Variants in ANKFN1 observed in about 807,000 individuals in gnomAD.
ANKFN1 encodes the protein ankyrin repeat and fibronectin type III domain containing 1, also known as ankyrin repeat and fibronectin type-III domain-containing protein 1.
ANKFN1 carries 74 observed loss-of-function variants against 108.7 expected under a neutral mutation model. That is an observed-to-expected ratio of 0.68 (90% CI 0.56 to 0.83). The LOEUF is 0.83. Ranked by LOEUF, ANKFN1 falls within the 40% of genes least tolerant of loss-of-function variation. The pLI is 0.00. For synonymous variants in ANKFN1, 547 were observed against 516.2 expected (o/e 1.06, Z -0.81); for missense variants, 1,505 against 1,382.3 (o/e 1.09, Z -1.41).
intron 3 of ANKFN1, among the ~76,000 whole-genome samples, chr17:56,310,443 C>T (rs936449874): frequency 3.3e-5 from 5 of 151,944 alleles, no homozygotes; most frequent in African/African-American, 1.2e-4. Context: ...TGGTGAAACC[C>T]CATCTCCACT....
chr17:56,183,608 C>T (rs1870688408), intron 1 of ANKFN1, among the ~76,000 whole-genome samples: 2 of 152,150 alleles, frequency 1.3e-5, no homozygotes, highest in African/African-American at 4.8e-5. Flanking sequence ...CCTGCTTTTG[C>T]TTCACCTTTT....
At chr17:56,201,011 C>A (rs1282122658) in intron 1 of ANKFN1, among the ~76,000 whole-genome samples, 1 of 152,208 alleles carries the variant, frequency 6.6e-6, no homozygotes, top group Non-Finnish European at 1.5e-5. Context: ...AGGACTACTG[C>A]AATCATCTTC....
At chr17:56,382,125 G>A (rs376184853) in intron 8 of ANKFN1, among the ~76,000 whole-genome samples, 24 of 152,110 alleles carry the variant, frequency 1.6e-4, no homozygotes, top group Non-Finnish European at 2.9e-4. Flanking sequence ...GACTAACAGC[G>A]GATCTCTCGG....
chr17:56,056,371 C>A (rs1904877441), intron 4 of ANKFN1, among the ~76,000 whole-genome samples: 2 of 85,968 alleles, frequency 2.3e-5, no homozygotes, highest in African/African-American at 7.0e-5. Flanking sequence ...CAAAACAATT[C>A]TAAGCAAAAA....
At chr17:56,207,641 AG>A (rs1914645074) in intron 1 of ANKFN1, among the ~76,000 whole-genome samples, 1 of 152,112 alleles carries the variant, frequency 6.6e-6, no homozygotes, top group Non-Finnish European at 1.5e-5. Flanking sequence ...CACTCTTTTC[AG>A]ACAAACTCAG....
chr17:56,386,474 TAATAA>T (rs1328476050), intron 8 of ANKFN1, among the ~76,000 whole-genome samples: 10 of 150,504 alleles, frequency 6.6e-5, no homozygotes, highest in African/African-American at 2.0e-4. Flanking sequence ...AGTATAATAA[TAATAA>T]AATAAAATAA....
At chr17:56,068,752 A>G (rs1266373035) in intron 4 of ANKFN1, among the ~76,000 whole-genome samples, 1 of 152,206 alleles carries the variant, frequency 6.6e-6, no homozygotes, top group Non-Finnish European at 1.5e-5. Context: ...CCAACTACAC[A>G]TGAGACAATG....
intron 1 of ANKFN1, among the ~76,000 whole-genome samples, chr17:56,190,598 T>C (rs1912809309): frequency 1.9e-5 from 2 of 104,404 alleles, no homozygotes; most frequent in African/African-American, 8.1e-5. Context: ...TAATTTCTGT[T>C]CTTTTACATT....
At chr17:56,424,227 C>G (rs1414149201) in intron 8 of ANKFN1, among the ~76,000 whole-genome samples, 1 of 152,228 alleles carries the variant, frequency 6.6e-6, no homozygotes, top group African/African-American at 2.4e-5. Flanking sequence ...ATCCCTCAGA[C>G]TTACTCAAAA....
chr17:56,390,252 G>A (rs2144869731), intron 8 of ANKFN1, among the ~76,000 whole-genome samples: 1 of 151,416 alleles, frequency 6.6e-6, no homozygotes, highest in East Asian at 2.0e-4. Flanking sequence ...CTGTGTCCAT[G>A]TGTTCTAATT....
chr17:56,285,834 CAAT>C (rs934275634), intron 3 of ANKFN1, among the ~76,000 whole-genome samples: 8 of 114,848 alleles, frequency 7.0e-5, no homozygotes, highest in Admixed American at 1.8e-4. Flanking sequence ...GCCTGTCAGA[CAAT>C]GATGATGATG....
chr17:56,491,334 T>G (rs2051032322), intron 18 of ANKFN1, among the ~76,000 whole-genome samples: 1 of 152,132 alleles, frequency 6.6e-6, no homozygotes, highest in African/African-American at 2.4e-5. Context: ...AAGAAACCAG[T>G]ACTATGATAG....
chr17:56,269,804 A>G (rs2043746316), intron 3 of ANKFN1, among the ~76,000 whole-genome samples: 1 of 152,196 alleles, frequency 6.6e-6, no homozygotes, highest in African/African-American at 2.4e-5. Flanking sequence ...TAGAGTAGGG[A>G]AAAATTGCAC....
At chr17:56,457,014 T>A (rs1361794366) in intron 12 of ANKFN1, 54 bp downstream of exon 12, 2 of 1,521,098 alleles carry the variant, frequency 1.3e-6, no homozygotes, top group Non-Finnish European at 1.8e-6. Context: ...AATGCACTGG[T>A]TTTGGTTCTG....
At chr17:56,325,077 G>A (rs895725393) in intron 3 of ANKFN1, among the ~76,000 whole-genome samples, 1 of 152,174 alleles carries the variant, frequency 6.6e-6, no homozygotes, top group African/African-American at 2.4e-5. Context: ...CTCCTGACTT[G>A]CTACAGAGTC....
chr17:56,456,107 A>G (rs2145229439), intron 11 of ANKFN1, among the ~76,000 whole-genome samples: 1 of 152,344 alleles, frequency 6.6e-6, no homozygotes, highest in African/African-American at 2.4e-5. Context: ...CATTAATTTT[A>G]TAATGAAAAA....
chr17:56,314,339 G>T (rs1404036770), intron 3 of ANKFN1, among the ~76,000 whole-genome samples: 1 of 152,100 alleles, frequency 6.6e-6, no homozygotes, highest in Non-Finnish European at 1.5e-5. Flanking sequence ...CTTTGTAAAA[G>T]ACTGTCAAAC....
intron 19 of ANKFN1, among the ~76,000 whole-genome samples, chr17:56,498,178 A>G (rs1251976598): frequency 6.6e-6 from 1 of 152,162 alleles, no homozygotes; most frequent in Non-Finnish European, 1.5e-5. Flanking sequence ...TAAACTGTTA[A>G]GGCCGTTTTG....
intron 10 of ANKFN1, among the ~76,000 whole-genome samples, chr17:56,448,664 C>A (rs2049376699): frequency 6.6e-6 from 1 of 152,288 alleles, no homozygotes; most frequent in South Asian, 2.1e-4. Flanking sequence ...TTCATCTAGT[C>A]TGCACATTCC....
Sources: gnomAD v4.1 joint callset for allele counts (sites outside exome capture counted in the v4.1 genomes callset) on GRCh38, gnomAD v4.1.1 for gene constraint, MANE v1.5 for transcripts, NCBI Gene and HGNC (gene_info 2026-07-23, HGNC 2026-07-21) for gene names.